The following COL13A1 variants were observed in gnomAD, a reference collection of about 807,000 sequenced individuals.
The protein encoded by COL13A1 is collagen type XIII alpha 1 chain.
In COL13A1, 89 loss-of-function variants were observed where a neutral mutation model predicts 130.9. That is an observed-to-expected ratio of 0.68 (90% CI 0.57 to 0.81). The LOEUF is 0.81. Among genes scored for constraint, COL13A1 ranks in the 30% least tolerant of loss-of-function variants. COL13A1 has a pLI of 0.00. For synonymous variants in COL13A1, 402 were observed against 341.6 expected (o/e 1.18, Z -1.95); for missense variants, 879 against 934.6 (o/e 0.94, Z 0.78).
chr10:69,952,030 T>C (rs2069646486), intron 38 of COL13A1, among the ~76,000 whole-genome samples: 1 of 152,232 alleles, frequency 6.6e-6, no homozygotes, highest in South Asian at 2.1e-4. Flanking sequence ...CTCTGACACA[T>C]ACAATATAGG....
At chr10:69,915,603 A>G (rs2063834290) in intron 17 of COL13A1, among the ~76,000 whole-genome samples, 1 of 152,224 alleles carries the variant, frequency 6.6e-6, no homozygotes, top group African/African-American at 2.4e-5. Context: ...AAAAAGCTTC[A>G]TAGAAGAGAT....
At chr10:69,808,194 GA>G (rs1404954267) in intron 1 of COL13A1, among the ~76,000 whole-genome samples, 3 of 152,174 alleles carry the variant, frequency 2.0e-5, no homozygotes, top group Non-Finnish European at 4.4e-5. Flanking sequence ...AGGTGGTGGG[GA>G]AAACCAAAAG....
chr10:69,870,994 G>A (rs563259745), intron 3 of COL13A1, among the ~76,000 whole-genome samples: 4 of 152,182 alleles, frequency 2.6e-5, no homozygotes, highest in East Asian at 3.9e-4. Context: ...GGATGATGTC[G>A]GTTGTAAGGA....
intron 7 of COL13A1, among the ~76,000 whole-genome samples, chr10:69,885,844 C>T (rs528960395): frequency 3.3e-5 from 5 of 152,232 alleles, no homozygotes; most frequent in South Asian, 4.2e-4. Context: ...GGGGCCCTTC[C>T]GATAGATGAG....
intron 19 of COL13A1, 87 bp from the exon 20 acceptor site, chr10:69,918,975 C>T: frequency 6.5e-7 from 1 of 1,540,078 alleles, no homozygotes; most frequent in African/African-American, 1.4e-5. Flanking sequence ...CCCTGACTGC[C>T]CCCAACCCCA....
rs2067545399 is a variant in COL13A1, at chr10:69,940,971, C to G, written c.1879-17C>G. The G allele has an allele frequency of 6.2e-7, 1 of 1,613,840 alleles. No individual in the cohort carries two copies. Among genetic ancestry groups the G allele is most frequent in the South Asian group, 1.1e-5 (1 of 91,088 alleles). On this transcript the variant is annotated splice_polypyrimidine_tract_variant and intron_variant, in intron 34 of 40. Transcript: ENST00000645393. ...CTCTCTTCCCCTTCTTTTGGTCAAACTGTGCCCTTCGTCCAGGGAGCTTCA... is the reference window on the plus strand; with the variant it reads ...CTCTCTTCCCCTTCTTTTGGTCAAAGTGTGCCCTTCGTCCAGGGAGCTTCA...
intron 17 of COL13A1, among the ~76,000 whole-genome samples, chr10:69,916,748 A>T (rs1392540421): frequency 6.6e-6 from 1 of 152,182 alleles, no homozygotes; most frequent in African/African-American, 2.4e-5. Flanking sequence ...GCAGGGACAC[A>T]TGCCCTTGGG....
chr10:69,886,860 C>T (rs1039890177), intron 7 of COL13A1, among the ~76,000 whole-genome samples: 3 of 152,186 alleles, frequency 2.0e-5, no homozygotes, highest in African/African-American at 4.8e-5. Context: ...CACTCTGCAC[C>T]TCCAGGAAAA....
chr10:69,850,189 A>G (rs764916568), intron 2 of COL13A1, among the ~76,000 whole-genome samples: 4 of 151,884 alleles, frequency 2.6e-5, no homozygotes, highest in Non-Finnish European at 5.9e-5. Flanking sequence ...CCACATTTGT[A>G]AAATGAATTT....
At chr10:69,804,568 C>G (rs1840935843) in intron 1 of COL13A1, among the ~76,000 whole-genome samples, 1 of 151,752 alleles carries the variant, frequency 6.6e-6, no homozygotes, top group Admixed American at 6.6e-5. Flanking sequence ...AAGTTGAGCC[C>G]AGAGTCACAT....
intron 2 of COL13A1, among the ~76,000 whole-genome samples, chr10:69,854,599 C>A (rs1447652707): frequency 6.6e-6 from 1 of 151,264 alleles, no homozygotes; most frequent in East Asian, 2.0e-4. Flanking sequence ...TTCTGCTTGT[C>A]ACCAGACTCT....
intron 24 of COL13A1, 32 bp downstream of exon 24, chr10:69,923,887 G>A (rs1340289555): frequency 1.2e-6 from 2 of 1,605,400 alleles, no homozygotes; most frequent in Non-Finnish European, 1.7e-6. Flanking sequence ...AGAGCTGCAA[G>A]ATGAGGGTCA....
chr10:69,845,543 C>A (rs1316741712), intron 2 of COL13A1, among the ~76,000 whole-genome samples: 1 of 152,040 alleles, frequency 6.6e-6, no homozygotes, highest in Non-Finnish European at 1.5e-5. Flanking sequence ...GCAGCTACAC[C>A]AAAGTAGGCA....
intron 1 of COL13A1, among the ~76,000 whole-genome samples, chr10:69,803,170 G>A (rs902191740): frequency 1.3e-5 from 2 of 152,200 alleles, no homozygotes; most frequent in African/African-American, 2.4e-5. Context: ...TAAGGACCCG[G>A]GGGGTGCGGG....
chr10:69,923,820 G>T lies in COL13A1; in HGVS notation c.1249G>T (p.Gly417Cys). Residue 417 changes from glycine (G) to cysteine (C), a missense_variant, in exon 24 of 41, where the codon GGC (glycine) becomes TGC (cysteine). Gly to Cys is a radical substitution (Grantham distance 159). Transcript: ENST00000645393. Reference sequence around the variant, plus strand: ...TCCCCAGGGAGAAGCAGGTGTCGATGGCCAGGTTGGCCCCCCAGGGCAGCC... The same window carrying T: ...TCCCCAGGGAGAAGCAGGTGTCGATTGCCAGGTTGGCCCCCCAGGGCAGCC... ...PGPKGEAGVD[G>C]QVGPPGQPGD... is the part of the protein sequence containing the mutation. The T allele has an allele frequency of 6.2e-7, 1 of 1,611,510 alleles. No homozygotes were observed. Among genetic ancestry groups the T allele is most frequent in the Non-Finnish European group, 8.5e-7 (1 of 1,179,062 alleles).
intron 13 of COL13A1, among the ~76,000 whole-genome samples, chr10:69,897,700 C>T (rs534446613): frequency 7.9e-5 from 12 of 152,346 alleles, no homozygotes; most frequent in Non-Finnish European, 1.0e-4. Flanking sequence ...CACACTTGGG[C>T]TCCCCATCCC....
At chr10:69,853,636 T>C (rs1855601296) in intron 2 of COL13A1, among the ~76,000 whole-genome samples, 1 of 152,118 alleles carries the variant, frequency 6.6e-6, no homozygotes, top group Non-Finnish European at 1.5e-5. Flanking sequence ...AGATATTCAC[T>C]GCAGCATAGA....
intron 2 of COL13A1, among the ~76,000 whole-genome samples, chr10:69,839,351 C>T (rs1165925502): frequency 6.6e-6 from 1 of 152,102 alleles, no homozygotes; most frequent in Non-Finnish European, 1.5e-5. Context: ...AGAAAATATC[C>T]ACTGATTGTT....
At chr10:69,832,050 G>T (rs1848946347) in intron 2 of COL13A1, among the ~76,000 whole-genome samples, 1 of 152,190 alleles carries the variant, frequency 6.6e-6, no homozygotes, top group Non-Finnish European at 1.5e-5. Flanking sequence ...GTGAGGAGAG[G>T]TCATAGTCTT....
Sources: allele counts gnomAD v4.1 joint callset (sites outside exome capture counted in the v4.1 genomes callset), GRCh38; gene constraint gnomAD v4.1.1; transcripts MANE v1.5; gene names NCBI Gene and HGNC (gene_info 2026-07-23, HGNC 2026-07-21).